ZFHX3: variants seen among roughly 807,000 people sequenced by gnomAD.
ZFHX3 encodes zinc finger homeobox 3.
A neutral mutation model predicts 279.1 loss-of-function variants in ZFHX3; 42 were observed. The ratio of observed to expected loss-of-function variants is 0.15; its 90% CI spans 0.12 to 0.19. The LOEUF (loss-of-function observed/expected upper bound fraction) is 0.19, where lower values mean the gene tolerates loss of function less well. Ranked by LOEUF, ZFHX3 falls within the 10% of genes least tolerant of loss-of-function variation. ZFHX3 has a pLI of 1.00. For synonymous variants in ZFHX3, 2,293 were observed against 1,957.8 expected (o/e 1.17, Z -4.52); for missense variants, 4,981 against 4,754.0 (o/e 1.05, Z -1.40).
chr16:73,507,942 G>C (rs745460438), intron 2 of ZFHX3, among the ~76,000 whole-genome samples: 27 of 152,194 alleles, frequency 1.8e-4, no homozygotes, highest in Non-Finnish European at 2.5e-4. Flanking sequence ...AGACATAAAA[G>C]ATGCTTAACA....
At chr16:73,364,511 C>T (rs1310616814) in intron 3 of ZFHX3, among the ~76,000 whole-genome samples, 1 of 152,078 alleles carries the variant, frequency 6.6e-6, no homozygotes, top group Non-Finnish European at 1.5e-5. Context: ...TATAATCACT[C>T]TACTAAGCAA....
At chr16:73,473,557 T>C (rs1390403840) in intron 2 of ZFHX3, among the ~76,000 whole-genome samples, 4 of 152,114 alleles carry the variant, frequency 2.6e-5, no homozygotes, top group African/African-American at 9.7e-5. Context: ...CAGAGTAGAA[T>C]CACAGGGCTC....
At chr16:73,407,050 T>A (rs1213958107) in intron 3 of ZFHX3, among the ~76,000 whole-genome samples, 1 of 152,042 alleles carries the variant, frequency 6.6e-6, no homozygotes, top group African/African-American at 2.4e-5. Context: ...GGGTGATTTT[T>A]TCCTGCAGGG....
chr16:73,160,350 C>T (rs746708830), intron 5 of ZFHX3, among the ~76,000 whole-genome samples: 7 of 152,226 alleles, frequency 4.6e-5, no homozygotes, highest in Non-Finnish European at 8.8e-5. Flanking sequence ...CCTTATGAGT[C>T]TTCCTGAGTA....
At chr16:73,083,279 C>T (rs1965971797) in intron 8 of ZFHX3, 1 of 152,156 alleles carries the variant, frequency 6.6e-6, no homozygotes, top group Non-Finnish European at 1.5e-5. Flanking sequence ...GCAGATAAAA[C>T]CTGAGTTATG....
intron 3 of ZFHX3, among the ~76,000 whole-genome samples, chr16:73,367,867 CTT>C (rs10718886): frequency 0.17 from 19,622 of 115,590 alleles, 1,116 homozygotes; most frequent in African/African-American, 0.22. Flanking sequence ...TAAGGAAGGT[CTT>C]TTTTTTTTTT....
At chr16:73,298,850 A>C (rs2014988535) in intron 4 of ZFHX3, among the ~76,000 whole-genome samples, 1 of 152,246 alleles carries the variant, frequency 6.6e-6, no homozygotes. Context: ...TGCCTGACGT[A>C]AGGTAAGGTC....
At chr16:73,525,653 G>C (rs777557584) in intron 2 of ZFHX3, among the ~76,000 whole-genome samples, 4 of 152,104 alleles carry the variant, frequency 2.6e-5, no homozygotes, top group African/African-American at 4.8e-5. Context: ...CACCATAAAA[G>C]GTAAAAGGAT....
chr16:73,239,293 A>C (rs2013046973), intron 5 of ZFHX3, among the ~76,000 whole-genome samples: 1 of 152,190 alleles, frequency 6.6e-6, no homozygotes, highest in Non-Finnish European at 1.5e-5. Flanking sequence ...GACTTCTTTC[A>C]GGCGAGAGAC....
chr16:73,720,286 T>C (rs2053461806), intron 1 of ZFHX3, among the ~76,000 whole-genome samples: 1 of 152,206 alleles, frequency 6.6e-6, no homozygotes, highest in African/African-American at 2.4e-5. Flanking sequence ...CTTAAAAATA[T>C]TTACACTCTT....
intron 1 of ZFHX3, among the ~76,000 whole-genome samples, chr16:73,698,500 A>C (rs965107087): frequency 6.6e-6 from 1 of 152,216 alleles, no homozygotes. Flanking sequence ...CCCAATAGTT[A>C]CCATCTTAAC....
At position 72,787,094 on chromosome 16, in the gene ZFHX3, A is replaced by G. The variant is rs2035417604; in HGVS notation, c.*70T>C. 12 of 1,233,500 alleles carry G rather than the reference A, an allele frequency of 9.7e-6. No homozygotes were observed. The highest frequency in any genetic ancestry group is 1.1e-5 in the Non-Finnish European group (11 of 979,272). 76.4% of individuals were successfully genotyped at this position (1,233,500 alleles called of 1,614,324 possible). On this transcript the variant is annotated 3_prime_UTR_variant, in exon 10 of 10. Transcript: ENST00000268489. ...GAAGCTTTGGAATTGCAGTTAGTCT[A>G]TTTTTGAAATTGGTTTGTTATTAAT...
intron 3 of ZFHX3, chr16:73,421,339 A>G (rs2017715042): frequency 6.6e-6 from 1 of 152,226 alleles, no homozygotes; most frequent in African/African-American, 2.4e-5. Context: ...AATATTTTAA[A>G]CACTATTTGT....
intron 1 of ZFHX3, among the ~76,000 whole-genome samples, chr16:73,887,515 A>C (rs1330139679): frequency 1.3e-5 from 2 of 152,190 alleles, no homozygotes; most frequent in Non-Finnish European, 2.9e-5. Flanking sequence ...GATGTACTCC[A>C]CACAGATGTG....
intron 3 of ZFHX3, among the ~76,000 whole-genome samples, chr16:73,423,624 G>A (rs528895504): frequency 9.9e-4 from 151 of 152,342 alleles, no homozygotes; most frequent in African/African-American, 3.4e-3. Context: ...CACTTTGGGA[G>A]GCCGAGGCAG....
chr16:73,198,339 A>G (rs1968198269), intron 5 of ZFHX3, among the ~76,000 whole-genome samples: 1 of 147,264 alleles, frequency 6.8e-6, no homozygotes, highest in South Asian at 2.1e-4. Context: ...CCATGCTGGT[A>G]TCTTTTTTTT....
At chr16:73,614,413 G>C (rs970753176) in intron 2 of ZFHX3, among the ~76,000 whole-genome samples, 4 of 151,638 alleles carry the variant, frequency 2.6e-5, no homozygotes, top group Admixed American at 1.3e-4. Flanking sequence ...TCTTTCTCTT[G>C]TTGGTTTTTT....
At chr16:73,487,443 C>A in intron 2 of ZFHX3, 1 of 435,476 alleles carries the variant, frequency 2.3e-6, no homozygotes, top group African/African-American at 2.0e-5. Context: ...CGATCTGTTG[C>A]CCAGGCTGGA....
At chr16:73,524,237 C>A (rs2019655394) in intron 2 of ZFHX3, among the ~76,000 whole-genome samples, 1 of 152,178 alleles carries the variant, frequency 6.6e-6, no homozygotes, top group Non-Finnish European at 1.5e-5. Context: ...TAAACACATT[C>A]TTTTCCTATT....
Sources: gnomAD v4.1 joint callset for allele counts (sites outside exome capture counted in the v4.1 genomes callset) on GRCh38, gnomAD v4.1.1 for gene constraint, MANE v1.5 for transcripts, NCBI Gene and HGNC (gene_info 2026-07-23, HGNC 2026-07-21) for gene names.